Variants in MAGI2 observed in about 807,000 individuals in gnomAD.
MAGI2 encodes membrane associated guanylate kinase, WW and PDZ domain containing 2.
A neutral mutation model predicts 133.3 loss-of-function variants in MAGI2; 35 were observed. That is an observed-to-expected ratio of 0.26 (90% CI 0.20 to 0.35). The LOEUF is 0.35. Among genes scored for constraint, MAGI2 ranks in the 10% least tolerant of loss-of-function variants. The pLI is 1.00. For synonymous variants in MAGI2, 729 were observed against 710.6 expected (o/e 1.03, Z -0.41); for missense variants, 1,636 against 1,863.4 (o/e 0.88, Z 2.25).
intron 2 of MAGI2, among the ~76,000 whole-genome samples, chr7:78,666,115 G>T (rs984577159): frequency 4.6e-5 from 7 of 152,074 alleles, no homozygotes; most frequent in African/African-American, 1.7e-4. Context: ...GCTATCCAAC[G>T]TAAGTCTCAA....
At chr7:79,201,480 C>A (rs1214237958) in intron 1 of MAGI2, among the ~76,000 whole-genome samples, 1 of 151,768 alleles carries the variant, frequency 6.6e-6, no homozygotes, top group Non-Finnish European at 1.5e-5. Flanking sequence ...AAGCATTTTC[C>A]AAGTATATTC....
chr7:79,177,197 G>A (rs1002533377), intron 1 of MAGI2: 6 of 151,800 alleles, frequency 4.0e-5, no homozygotes, highest in Non-Finnish European at 8.8e-5. Flanking sequence ...ATTAAGGATC[G>A]TTTTTTCCTA....
chr7:78,788,826 T>C (rs1827044959), intron 2 of MAGI2, among the ~76,000 whole-genome samples: 1 of 152,224 alleles, frequency 6.6e-6, no homozygotes, highest in African/African-American at 2.4e-5. Flanking sequence ...ATGATGTTAC[T>C]CCAATGATTT....
chr7:78,142,919 T>G (rs559092412), intron 16 of MAGI2, among the ~76,000 whole-genome samples: 2 of 152,310 alleles, frequency 1.3e-5, no homozygotes, highest in East Asian at 1.9e-4. Flanking sequence ...CTTGCCAACT[T>G]GTACAATAAC....
At chr7:78,358,196 A>T (rs13230870) in intron 7 of MAGI2, 3 of 38,094 alleles carry the variant, frequency 7.9e-5, no homozygotes, top group African/African-American at 2.3e-4. Flanking sequence ...AAAAAAAAAA[A>T]ATATATATAT....
intron 1 of MAGI2, among the ~76,000 whole-genome samples, chr7:79,119,321 G>A (rs372947970): frequency 1.3e-5 from 2 of 151,990 alleles, no homozygotes; most frequent in African/African-American, 2.4e-5. Flanking sequence ...TCAAAGCAAC[G>A]GTATGAATCA....
At chr7:78,406,001 C>T (rs1797341047) in intron 6 of MAGI2, among the ~76,000 whole-genome samples, 1 of 151,948 alleles carries the variant, frequency 6.6e-6, no homozygotes, top group Admixed American at 6.6e-5. Context: ...CAATTGCCTT[C>T]AATCAGAGGA....
At chr7:79,268,619 G>A (rs1834648902) in intron 1 of MAGI2, among the ~76,000 whole-genome samples, 1 of 152,178 alleles carries the variant, frequency 6.6e-6, no homozygotes, top group Non-Finnish European at 1.5e-5. Context: ...AGAAACCGCA[G>A]ACTGAAGTAT....
intron 1 of MAGI2, among the ~76,000 whole-genome samples, chr7:79,196,817 G>T (rs1828122891): frequency 6.6e-6 from 1 of 151,892 alleles, no homozygotes; most frequent in Non-Finnish European, 1.5e-5. Context: ...AGCCAGGCTG[G>T]AGTGCAGTGG....
intron 2 of MAGI2, among the ~76,000 whole-genome samples, chr7:78,831,668 T>C (rs1334709276): frequency 1.3e-5 from 2 of 152,220 alleles, no homozygotes; most frequent in Non-Finnish European, 2.9e-5. Context: ...TTCTGTACTT[T>C]CTACTTCTCC....
chr7:79,310,162 CA>C (rs71518921), intron 1 of MAGI2, among the ~76,000 whole-genome samples: 261 of 16,294 alleles, frequency 0.016, no homozygotes, highest in East Asian at 0.025. Context: ...GAGTCCATCT[CA>C]AAAAAAAAAA....
intron 3 of MAGI2, among the ~76,000 whole-genome samples, chr7:78,561,151 A>C (rs1800361763): frequency 6.6e-6 from 1 of 152,180 alleles, no homozygotes; most frequent in African/African-American, 2.4e-5. Context: ...AAAAGAGACA[A>C]GAAGCAGACA....
intron 1 of MAGI2, among the ~76,000 whole-genome samples, chr7:79,033,309 C>A (rs1461006675): frequency 6.6e-6 from 1 of 152,146 alleles, no homozygotes; most frequent in Non-Finnish European, 1.5e-5. Context: ...AGGTTTTACA[C>A]CATTTGGTCA....
At chr7:78,511,773 T>G (rs1795601944) in intron 4 of MAGI2, among the ~76,000 whole-genome samples, 1 of 139,632 alleles carries the variant, frequency 7.2e-6, no homozygotes, top group Non-Finnish European at 1.6e-5. Context: ...TGGTTCTAAG[T>G]GCTAAAAAAA....
intron 14 of MAGI2, among the ~76,000 whole-genome samples, chr7:78,172,005 C>A (rs1440848130): frequency 6.6e-6 from 1 of 152,146 alleles, no homozygotes. Context: ...GTGGCCCTAT[C>A]TTTTCAATTG....
intron 2 of MAGI2, among the ~76,000 whole-genome samples, chr7:78,769,432 G>A (rs1825358189): frequency 6.6e-6 from 1 of 151,980 alleles, no homozygotes; most frequent in Admixed American, 6.6e-5. Flanking sequence ...ACCTATGATT[G>A]CCAGAAAGAT....
At chr7:78,741,210 T>C (rs1166205997) in intron 2 of MAGI2, among the ~76,000 whole-genome samples, 2 of 152,028 alleles carry the variant, frequency 1.3e-5, no homozygotes, top group Non-Finnish European at 2.9e-5. Flanking sequence ...TTGGGTAATC[T>C]AAGAAGCTTC....
chr7:78,432,183 A>C (rs780658384), intron 6 of MAGI2, among the ~76,000 whole-genome samples: 3 of 151,682 alleles, frequency 2.0e-5, no homozygotes, highest in African/African-American at 2.4e-5. Context: ...TGTACATTAG[A>C]ACACATAATC....
At chr7:79,257,509 T>C (rs1214342730) in intron 1 of MAGI2, among the ~76,000 whole-genome samples, 1 of 152,238 alleles carries the variant, frequency 6.6e-6, no homozygotes, top group Non-Finnish European at 1.5e-5. Flanking sequence ...CTCACTGGCT[T>C]AATTTATCAG....
Sources: allele counts gnomAD v4.1 joint callset (sites outside exome capture counted in the v4.1 genomes callset), GRCh38; gene constraint gnomAD v4.1.1; transcripts MANE v1.5; gene names NCBI Gene and HGNC (gene_info 2026-07-23, HGNC 2026-07-21).